Variants in NEGR1 observed in about 807,000 individuals in gnomAD.
NEGR1 encodes neuronal growth regulator 1.
A neutral mutation model predicts 40.9 loss-of-function variants in NEGR1; 10 were observed. The ratio of observed to expected loss-of-function variants is 0.24; its 90% CI spans 0.15 to 0.42. The LOEUF (loss-of-function observed/expected upper bound fraction) is 0.42. Ranked by LOEUF, NEGR1 falls within the 10% of genes least tolerant of loss-of-function variation. The pLI, the probability that NEGR1 is intolerant of heterozygous loss-of-function variation, is 1.00. For missense variants in NEGR1, 352 were observed against 438.9 expected, an observed-to-expected ratio of 0.80 and a Z score of 1.77; for synonymous variants, 185 against 166.8, an observed-to-expected ratio of 1.11 and a Z score of -0.84.
At chr1:71,820,615 A>G (rs890999197) in intron 2 of NEGR1, among the ~76,000 whole-genome samples, 6 of 151,974 alleles carry the variant, frequency 3.9e-5, no homozygotes, top group Non-Finnish European at 2.9e-5. Context: ...TCCATCTTAT[A>G]GAGTATCTAC....
At chr1:71,903,902 C>T (rs1661208412) in intron 2 of NEGR1, among the ~76,000 whole-genome samples, 1 of 151,788 alleles carries the variant, frequency 6.6e-6, no homozygotes, top group Non-Finnish European at 1.5e-5. Context: ...TATTACTTGA[C>T]TTTAACGTTA....
At chr1:71,498,682 A>G (rs1646980842) in intron 6 of NEGR1, among the ~76,000 whole-genome samples, 1 of 151,854 alleles carries the variant, frequency 6.6e-6, no homozygotes. Flanking sequence ...CCTTGCTTCC[A>G]TTTTTTTCTG....
At chr1:72,019,920 C>A (rs571705249) in intron 1 of NEGR1, among the ~76,000 whole-genome samples, 1 of 152,136 alleles carries the variant, frequency 6.6e-6, no homozygotes, top group Non-Finnish European at 1.5e-5. Context: ...TAACTATGAG[C>A]CAAGGGTTTC....
intron 1 of NEGR1, among the ~76,000 whole-genome samples, chr1:72,126,134 T>A (rs922659658): frequency 5.1e-5 from 7 of 136,900 alleles, no homozygotes; most frequent in South Asian, 2.3e-4. Context: ...TGTGTGTGTG[T>A]GAAAGACAGA....
At chr1:72,031,620 AG>A (rs1348728178) in intron 1 of NEGR1, among the ~76,000 whole-genome samples, 1 of 152,182 alleles carries the variant, frequency 6.6e-6, no homozygotes, top group Middle Eastern at 3.2e-3. Context: ...CGAATTTTAT[AG>A]ATGGGAAGAG....
chr1:71,925,298 C>T (rs990288087), intron 2 of NEGR1, among the ~76,000 whole-genome samples: 2 of 152,148 alleles, frequency 1.3e-5, no homozygotes, highest in Admixed American at 6.5e-5. Flanking sequence ...GCCACTTGTC[C>T]AAATGCAAAC....
At chr1:71,867,842 G>T (rs183154767) in intron 2 of NEGR1, among the ~76,000 whole-genome samples, 2 of 152,142 alleles carry the variant, frequency 1.3e-5, no homozygotes, top group East Asian at 3.9e-4. Flanking sequence ...AGAATATAAA[G>T]ATTATGTTCC....
intron 6 of NEGR1, among the ~76,000 whole-genome samples, chr1:71,442,288 A>G (rs992687437): frequency 6.7e-6 from 1 of 149,506 alleles, no homozygotes; most frequent in Non-Finnish European, 1.5e-5. Flanking sequence ...TCATCAATGA[A>G]CAACATAGGA....
intron 4 of NEGR1, among the ~76,000 whole-genome samples, chr1:71,637,818 T>G (rs983134313): frequency 6.6e-6 from 1 of 151,994 alleles, no homozygotes; most frequent in Non-Finnish European, 1.5e-5. Flanking sequence ...TAACCCACGT[T>G]ACTGGATATC....
At chr1:72,099,396 A>T (rs546490917) in intron 1 of NEGR1, among the ~76,000 whole-genome samples, 4 of 152,116 alleles carry the variant, frequency 2.6e-5, no homozygotes, top group African/African-American at 9.6e-5. Context: ...TTCATTACTT[A>T]GTCATTATAA....
At chr1:72,048,106 T>C (rs1290538152) in intron 1 of NEGR1, among the ~76,000 whole-genome samples, 1 of 151,564 alleles carries the variant, frequency 6.6e-6, no homozygotes, top group Non-Finnish European at 1.5e-5. Context: ...ACTTCCACTT[T>C]TACCTCTAAT....
chr1:71,608,515 A>G (rs1234273954), intron 5 of NEGR1, among the ~76,000 whole-genome samples: 2 of 148,844 alleles, frequency 1.3e-5, no homozygotes, highest in Admixed American at 1.3e-4. Flanking sequence ...TTTTTTGACA[A>G]TGGTTGCTGA....
intron 2 of NEGR1, among the ~76,000 whole-genome samples, chr1:71,927,295 TA>T (rs1195670357): frequency 6.6e-6 from 1 of 152,162 alleles, no homozygotes; most frequent in African/African-American, 2.4e-5. Flanking sequence ...TTTCCTTGCC[TA>T]AAAAAGCTTA....
chr1:72,070,012 T>A (rs1040123639), intron 1 of NEGR1, among the ~76,000 whole-genome samples: 3 of 152,148 alleles, frequency 2.0e-5, no homozygotes, highest in Non-Finnish European at 4.4e-5. Flanking sequence ...AGTGATGTGA[T>A]GATTTATTTA....
intron 1 of NEGR1, among the ~76,000 whole-genome samples, chr1:72,226,278 C>A (rs1162842048): frequency 6.6e-6 from 1 of 151,838 alleles, no homozygotes; most frequent in Non-Finnish European, 1.5e-5. Flanking sequence ...TAACACAGGT[C>A]TTTTAAAATG....
At chr1:71,618,470 G>A (rs969809475) in intron 4 of NEGR1, among the ~76,000 whole-genome samples, 1 of 152,068 alleles carries the variant, frequency 6.6e-6, no homozygotes, top group Non-Finnish European at 1.5e-5. Flanking sequence ...TCTTTGTGAA[G>A]CAGGGTTTTC....
At chr1:71,667,844 T>A (rs1425978138) in intron 4 of NEGR1, among the ~76,000 whole-genome samples, 1 of 152,024 alleles carries the variant, frequency 6.6e-6, no homozygotes, top group Admixed American at 6.6e-5. Flanking sequence ...AAAATAAGGG[T>A]CATATTAGGT....
At chr1:72,120,096 G>T (rs966434768) in intron 1 of NEGR1, among the ~76,000 whole-genome samples, 6 of 151,898 alleles carry the variant, frequency 4.0e-5, no homozygotes, top group African/African-American at 1.4e-4. Flanking sequence ...TTATCTCATA[G>T]CTAACCTATT....
At chr1:71,996,821 C>T (rs901270178) in intron 1 of NEGR1, among the ~76,000 whole-genome samples, 3 of 152,082 alleles carry the variant, frequency 2.0e-5, no homozygotes, top group African/African-American at 7.2e-5. Context: ...CTGACCTTTA[C>T]ATTCTGAGTA....
Sources: allele counts gnomAD v4.1 joint callset (sites outside exome capture counted in the v4.1 genomes callset), GRCh38; gene constraint gnomAD v4.1.1; transcripts MANE v1.5; gene names NCBI Gene and HGNC (gene_info 2026-07-23, HGNC 2026-07-21).